The following MAN2B2 variants were observed in gnomAD, a reference collection of about 807,000 sequenced individuals.
MAN2B2 encodes the protein mannosidase alpha class 2B member 2.
MAN2B2 carries 106 observed loss-of-function variants against 117.1 expected under a neutral mutation model. The ratio of observed to expected loss-of-function variants is 0.90; its 90% CI spans 0.77 to 1.06. The LOEUF (loss-of-function observed/expected upper bound fraction) is 1.06, where lower values mean the gene tolerates loss of function less well. Ranked by LOEUF, MAN2B2 falls within the 50% of genes least tolerant of loss-of-function variation. The pLI, the probability that MAN2B2 is intolerant of heterozygous loss-of-function variation, is 0.00. For missense variants in MAN2B2, 1,326 were observed against 1,381.4 expected (o/e 0.96, Z 0.64); for synonymous variants, 544 against 595.1 (o/e 0.91, Z 1.25).
At chr4:6,576,536 T>C in intron 1 of MAN2B2, 42 bp from the exon 2 acceptor site, 2 of 1,593,892 alleles carry the variant, frequency 1.3e-6, no homozygotes, top group African/African-American at 1.3e-5. Flanking sequence ...GGACACTTGG[T>C]CTTGTTGGAC....
rs73798308 is a variant in MAN2B2 at position 6,614,584 on chromosome 4, G to A, written c.2701+229G>A. ...TGGCCCCCAGCCCTGTGACCCCAGC[G>A]CATTCTGAATGGATCCCTCTCAGCC... is the stretch of plus-strand genomic sequence containing the variant. On this transcript the variant is annotated intron_variant, in intron 16 of 18. Transcript: ENST00000285599. Among the ~76,000 whole-genome samples, 6 of 152,246 alleles carry A rather than the reference G, an allele frequency of 3.9e-5. No individual in the cohort carries two copies. In the East Asian group the frequency reaches 7.7e-4, roughly 20 times the overall value.
At chr4:6,611,720 G>T (rs1486658675) in intron 15 of MAN2B2, among the ~76,000 whole-genome samples, 2 of 152,190 alleles carry the variant, frequency 1.3e-5, no homozygotes, top group African/African-American at 4.8e-5. Context: ...CTTGAACCCG[G>T]GAGGCAGAGG....
rs765331100 is a variant in MAN2B2 at position 6,611,176 on chromosome 4, C to T, written c.2461C>T (p.Leu821Phe). The T allele has an allele frequency of 2.5e-6, 4 of 1,614,008 alleles. No individual in the cohort carries two copies. Among genetic ancestry groups the T allele is most frequent in the Non-Finnish European group, 3.4e-6 (4 of 1,180,036 alleles). Residue 821 changes from leucine to phenylalanine, a missense_variant, in exon 15 of 19, where the codon CTC (leucine) becomes TTC (phenylalanine). By Grantham distance (22) the Leu-to-Phe change is conservative. Coordinates refer to ENST00000285599, the MANE Select transcript of MAN2B2 (RefSeq NM_015274.3). Reference protein sequence around the residue: ...LNDTSVVHPVLWLLLGSWSLT... With the variant: ...LNDTSVVHPVFWLLLGSWSLT... The stretch of plus-strand genomic sequence containing the variant: ...CGACACCTCAGTCGTCCACCCAGTG[C>T]TCTGGCTTCTGCTGGGATCCTGGTC...
intron 9 of MAN2B2, among the ~76,000 whole-genome samples, chr4:6,598,974 C>G (rs1261874110): frequency 1.3e-5 from 2 of 152,242 alleles, no homozygotes; most frequent in African/African-American, 4.8e-5. Flanking sequence ...TGAGGGGTTT[C>G]CAAACTGGGA....
chr4:6,602,670 CTTTTTT>C (rs71646652), intron 10 of MAN2B2, among the ~76,000 whole-genome samples: 4 of 138,406 alleles, frequency 2.9e-5, no homozygotes, highest in African/African-American at 1.1e-4. Flanking sequence ...GTCAGTTTTC[CTTTTTT>C]TTTTTTTTTT....
intron 5 of MAN2B2, among the ~76,000 whole-genome samples, 195 bp downstream of exon 5, chr4:6,589,355 C>T (rs1345655419): frequency 6.6e-6 from 1 of 152,210 alleles, no homozygotes. Context: ...ATTCTTCTGC[C>T]TTAGCCTCCT....
rs1203835919 is a variant in MAN2B2, at chr4:6,609,176, G to A, written c.1884G>A (p.Gln628=). ...LEYHVNGDVK[Q]GPISDNYLFT... Reference sequence around the variant, plus strand: ...ACCACGTCAACGGGGATGTGAAACAGGGCCCCATTTCCGATAACTACCTGT... The same window carrying A: ...ACCACGTCAACGGGGATGTGAAACAAGGCCCCATTTCCGATAACTACCTGT... The change falls in exon 12 of 19, where the codon CAG becomes CAA. Residue 628 remains glutamine, a synonymous_variant. Transcript: ENST00000285599. 1.9e-6 allele frequency: 3 copies of A among 1,614,132 alleles called. No individual in the cohort carries two copies. The African/African-American group carries it at 4.0e-5, about 22-fold the overall frequency.
intron 1 of MAN2B2, 149 bp from the exon 2 acceptor site, chr4:6,576,429 G>A (rs1031308386): frequency 9.1e-5 from 79 of 866,850 alleles, no homozygotes; most frequent in Admixed American, 4.5e-4. Flanking sequence ...GGTATGGAGC[G>A]AGTGCCTAAT....
In MAN2B2 at chr4:6,586,071, C is replaced by CA. The variant is rs374983599; in HGVS notation, c.392-924dup. ...TCTTGTGGTTTTTTTTTTTTTGAGA[C>CA]AGAGTCTCACTCTGTCACCCAGGCT... is the stretch of plus-strand genomic sequence containing the variant. On this transcript the variant is annotated intron_variant, in intron 3 of 18. Transcript: ENST00000285599. Among the ~76,000 whole-genome samples, 367 of 148,130 alleles carry CA rather than the reference C, an allele frequency of 2.5e-3. 6 individuals carry two copies. Among genetic ancestry groups the CA allele is most frequent in the African/African-American group, 8.7e-3 (339 of 39,172 alleles).
chr4:6,593,410 C>T (rs1726936909), intron 6 of MAN2B2, 60 bp downstream of exon 6: 8 of 1,514,810 alleles, frequency 5.3e-6, no homozygotes, highest in Non-Finnish European at 6.2e-6. Flanking sequence ...TATGCAAGCC[C>T]TGGTCCCTGC....
chr4:6,605,934 TTC>T (rs1727528768), intron 11 of MAN2B2, among the ~76,000 whole-genome samples: 2 of 152,182 alleles, frequency 1.3e-5, no homozygotes, highest in Non-Finnish European at 2.9e-5. Context: ...CATTCATTCA[TTC>T]ATGTATTCAT....
chr4:6,589,248 A>C, intron 5 of MAN2B2, 88 bp downstream of exon 5: 1 of 1,059,168 alleles, frequency 9.4e-7, no homozygotes, highest in Non-Finnish European at 1.4e-6. Flanking sequence ...GTTTTTGTTT[A>C]TTGGTTTTAA....
chr4:6,610,826 G>C, intron 13 of MAN2B2, 54 bp from the exon 14 acceptor site: 1 of 1,518,594 alleles, frequency 6.6e-7, no homozygotes, highest in Non-Finnish European at 9.1e-7. Context: ...GGTGATGCCT[G>C]ACCTACCTTG....
chr4:6,587,750 GTTTTTT>G (rs201846526), intron 4 of MAN2B2, among the ~76,000 whole-genome samples: 2 of 113,480 alleles, frequency 1.8e-5, no homozygotes, highest in Non-Finnish European at 3.5e-5. Flanking sequence ...TTGGGTTGTT[GTTTTTT>G]TTTTTTTTTT....
intron 16 of MAN2B2, among the ~76,000 whole-genome samples, chr4:6,614,799 G>A (rs1288070960): frequency 1.3e-5 from 2 of 152,248 alleles, no homozygotes; most frequent in African/African-American, 4.8e-5. Context: ...TCTCGTGCCA[G>A]GCTCCGGGGA....
At chr4:6,607,595 G>A (rs566349965) in intron 11 of MAN2B2, among the ~76,000 whole-genome samples, 6 of 152,292 alleles carry the variant, frequency 3.9e-5, no homozygotes, top group East Asian at 1.9e-4. Flanking sequence ...CTATTCCATC[G>A]CATGTATGTA....
At chr4:6,605,915 T>C (rs1577289766) in intron 11 of MAN2B2, among the ~76,000 whole-genome samples, 1 of 43,678 alleles carries the variant, frequency 2.3e-5, no homozygotes, top group East Asian at 1.3e-3. Context: ...AACCACCCAT[T>C]CATTCATTCA....
chr4:6,600,850 C>T (rs1727300517), intron 10 of MAN2B2, 94 bp downstream of exon 10: 1 of 1,435,814 alleles, frequency 7.0e-7, no homozygotes, highest in Admixed American at 2.3e-5. Flanking sequence ...GCAAGGGAGG[C>T]CTTATCACCT....
intron 13 of MAN2B2, among the ~76,000 whole-genome samples, chr4:6,610,509 G>T (rs563280261): frequency 2.0e-5 from 3 of 152,008 alleles, no homozygotes; most frequent in African/African-American, 7.3e-5. Flanking sequence ...GGGCTTGAGC[G>T]TGCAGGCTGT....
Sources: gnomAD v4.1 joint callset for allele counts (sites outside exome capture counted in the v4.1 genomes callset) on GRCh38, gnomAD v4.1.1 for gene constraint, MANE v1.5 for transcripts, NCBI Gene and HGNC (gene_info 2026-07-23, HGNC 2026-07-21) for gene names.